The following SHROOM3 variants were observed in gnomAD, a reference collection of about 807,000 sequenced individuals.
SHROOM3 encodes shroom family member 3.
A neutral mutation model predicts 138.6 loss-of-function variants in SHROOM3; 47 were observed. The observed-to-expected ratio is 0.34, with a 90% CI of 0.27 to 0.43. SHROOM3 has a LOEUF of 0.43. Ranked by LOEUF, SHROOM3 falls within the 20% of genes least tolerant of loss-of-function variation. SHROOM3 has a pLI of 1.00. For missense variants in SHROOM3, 2,491 were observed against 2,596.5 expected (o/e 0.96, Z 0.88); for synonymous variants, 1,062 against 1,063.3 (o/e 1.00, Z 0.02).
intron 1 of SHROOM3, chr4:76,509,685 T>G (rs1356703769): frequency 6.6e-6 from 1 of 152,194 alleles, no homozygotes; most frequent in African/African-American, 2.4e-5. Flanking sequence ...CTGGGTTCCT[T>G]GTGGCAGGTG....
At chr4:76,578,395 C>T (rs917143250) in intron 2 of SHROOM3, among the ~76,000 whole-genome samples, 2 of 152,080 alleles carry the variant, frequency 1.3e-5, no homozygotes, top group African/African-American at 4.8e-5. Flanking sequence ...ATATGGTAAC[C>T]GCACAGGAGA....
intron 1 of SHROOM3, among the ~76,000 whole-genome samples, chr4:76,502,627 G>T (rs1732123161): frequency 6.6e-6 from 1 of 152,226 alleles, no homozygotes; most frequent in Non-Finnish European, 1.5e-5. Context: ...GAACGATTTT[G>T]TGAGAGTAGA....
At chr4:76,450,925 A>T (rs1730913117) in intron 1 of SHROOM3, among the ~76,000 whole-genome samples, 1 of 151,922 alleles carries the variant, frequency 6.6e-6, no homozygotes, top group Admixed American at 6.6e-5. Context: ...AAAGTAAATT[A>T]TTACCCACCA....
intron 2 of SHROOM3, among the ~76,000 whole-genome samples, chr4:76,591,955 C>T (rs1398750591): frequency 8.5e-5 from 13 of 152,102 alleles, no homozygotes; most frequent in African/African-American, 2.4e-5. Flanking sequence ...TCAGATAACA[C>T]AAAAATAAGT....
intron 1 of SHROOM3, among the ~76,000 whole-genome samples, chr4:76,540,038 G>A (rs980709865): frequency 2.6e-5 from 4 of 152,224 alleles, no homozygotes; most frequent in African/African-American, 9.6e-5. Flanking sequence ...AGCTGAGACA[G>A]GGTTTCGCCA....
At chr4:76,646,225 A>AATAAATAAATAAATATATATATATAT (rs61374645) in intron 2 of SHROOM3, among the ~76,000 whole-genome samples, 6 of 96,226 alleles carry the variant, frequency 6.2e-5, no homozygotes, top group East Asian at 4.4e-4. Flanking sequence ...ATAATAAATA[A>AATAAATAAATAAATATATATATATAT]ATATATATAT....
At chr4:76,595,458 A>T (rs1323898038) in intron 2 of SHROOM3, among the ~76,000 whole-genome samples, 1 of 152,166 alleles carries the variant, frequency 6.6e-6, no homozygotes, top group Non-Finnish European at 1.5e-5. Context: ...TTTGTTCCTC[A>T]TGGTTGCAAG....
intron 8 of SHROOM3, among the ~76,000 whole-genome samples, chr4:76,758,949 C>A (rs1721905147): frequency 6.6e-6 from 1 of 152,070 alleles, no homozygotes; most frequent in Admixed American, 6.6e-5. Context: ...TAAAACATCC[C>A]TATTATATTA....
Position 76,741,305 on chromosome 4 carries a change from A to G in SHROOM3, c.3132A>G (p.Arg1044=). Residue 1044 remains arginine (R), a synonymous_variant, in exon 5 of 11, where the codon AGA becomes AGG. Coordinates refer to ENST00000296043, the MANE Select transcript of SHROOM3 (RefSeq NM_020859.4). The surrounding 1 kb of genome is among the most constrained non-coding windows in gnomAD (Gnocchi z 6.2). ...EAEPAPLGPQ[R]NGMRFPESSV... ...AACCGGCACCCCTGGGCCCGCAGAG[A>G]AATGGGATGCGTTTCCCGGAGAGCA... 1 of 1,611,984 alleles carries G rather than the reference A, an allele frequency of 6.2e-7. No individual in the cohort carries two copies. The highest frequency in any genetic ancestry group is 8.5e-7 in the Non-Finnish European group (1 of 1,179,636).
chr4:76,553,012 C>T (rs2110027843), intron 1 of SHROOM3, among the ~76,000 whole-genome samples: 1 of 152,302 alleles, frequency 6.6e-6, no homozygotes, highest in South Asian at 2.1e-4. Flanking sequence ...CCTCCTCTGC[C>T]CATTAACTTA....
chr4:76,778,050 C>G (rs1722625929), intron 10 of SHROOM3, among the ~76,000 whole-genome samples: 1 of 152,074 alleles, frequency 6.6e-6, no homozygotes, highest in Non-Finnish European at 1.5e-5. Context: ...ATCTGGAAGG[C>G]TTGTTAAAAC....
intron 1 of SHROOM3, among the ~76,000 whole-genome samples, chr4:76,468,542 T>A (rs1731294630): frequency 6.6e-6 from 1 of 151,530 alleles, no homozygotes; most frequent in African/African-American, 2.4e-5. Context: ...AGTTTATTTT[T>A]AAATTATTAT....
chr4:76,534,386 C>T (rs1732905662), intron 1 of SHROOM3, among the ~76,000 whole-genome samples: 2 of 152,140 alleles, frequency 1.3e-5, no homozygotes, highest in Non-Finnish European at 2.9e-5. Flanking sequence ...TACTATGTGG[C>T]GGATAAATTG....
At chr4:76,627,663 CT>C (rs35935280) in intron 2 of SHROOM3, among the ~76,000 whole-genome samples, 452 of 141,536 alleles carry the variant, frequency 3.2e-3, no homozygotes, top group Non-Finnish European at 3.2e-3. Flanking sequence ...TTGCAAAAGT[CT>C]TTTTTTTTTT....
intron 2 of SHROOM3, among the ~76,000 whole-genome samples, chr4:76,596,472 A>T (rs944357206): frequency 5.9e-5 from 9 of 152,094 alleles, no homozygotes; most frequent in Non-Finnish European, 1.2e-4. Context: ...ACTGTCTGTG[A>T]TGTTTGTATG....
intron 5 of SHROOM3, among the ~76,000 whole-genome samples, chr4:76,744,182 GA>G (rs1349538980): frequency 6.6e-6 from 1 of 152,158 alleles, no homozygotes. Flanking sequence ...GTATTATTTG[GA>G]AAACTTTTTA....
At chr4:76,633,549 C>T (rs1280133530) in intron 2 of SHROOM3, among the ~76,000 whole-genome samples, 5 of 146,770 alleles carry the variant, frequency 3.4e-5, no homozygotes, top group African/African-American at 1.0e-4. Flanking sequence ...CCCAGCTATG[C>T]GGGAGGCTGA....
intron 2 of SHROOM3, chr4:76,688,501 T>A (rs776828299): frequency 2.6e-5 from 26 of 985,252 alleles, no homozygotes; most frequent in Non-Finnish European, 3.0e-5. Context: ...GGATTCTGCT[T>A]GAATGAGAAT....
intron 2 of SHROOM3, among the ~76,000 whole-genome samples, chr4:76,580,576 G>A (rs959654308): frequency 9.9e-5 from 15 of 150,878 alleles, no homozygotes; most frequent in Admixed American, 6.0e-4. Context: ...ACAGGCATGC[G>A]CCACCACACC....
Sources: allele counts gnomAD v4.1 joint callset (sites outside exome capture counted in the v4.1 genomes callset), GRCh38; gene constraint gnomAD v4.1.1; non-coding constraint Gnocchi (gnomAD v3.1); transcripts MANE v1.5; gene names NCBI Gene and HGNC (gene_info 2026-07-23, HGNC 2026-07-21).